Variants in HBEGF observed in about 807,000 individuals in gnomAD.
HBEGF encodes the protein proheparin-binding EGF-like growth factor.
Under a neutral mutation model 19.5 loss-of-function variants are expected in HBEGF, and 8 were observed. That is an observed-to-expected ratio of 0.41 (90% CI 0.24 to 0.74). The LOEUF (loss-of-function observed/expected upper bound fraction) is 0.74. Among genes scored for constraint, HBEGF ranks in the 30% least tolerant of loss-of-function variants. HBEGF has a pLI of 0.32. For synonymous variants in HBEGF, 97 were observed against 108.9 expected (o/e 0.89, Z 0.68); for missense variants, 207 against 256.9 (o/e 0.81, Z 1.33).
chr5:140,344,882 G>C (rs950551523), intron 2 of HBEGF, among the ~76,000 whole-genome samples: 1 of 152,064 alleles, frequency 6.6e-6, no homozygotes, highest in African/African-American at 2.4e-5. Flanking sequence ...GTGAGTCACA[G>C]CCCAGCCCTG....
In HBEGF at chr5:140,345,955, C is replaced by G; in HGVS notation, c.176G>C (p.Arg59Pro). ...TGCCTCTTGCAAGTCACGGACTTTCCGGTCCCGGCCGCCTCCTAGGGGTAG... is the reference window on the plus strand; with the variant it reads ...TGCCTCTTGCAAGTCACGGACTTTCGGGTCCCGGCCGCCTCCTAGGGGTAG... ...QLLPLGGGRD[R>P]KVRDLQEADL... The change falls in exon 2 of 6, where the codon CGG becomes CCG. Residue 59 changes from arginine (R) to proline (P), a missense_variant. Physicochemically the swap from Arg to Pro is moderately radical, Grantham distance 103. Around this residue, in one of 3 missense-constraint regions of HBEGF, gnomAD observed 127 missense variants for 132.7 expected, o/e 0.96. Transcript: ENST00000230990. The G allele has an allele frequency of 6.2e-7, 1 of 1,614,220 alleles. No homozygotes were observed. Among genetic ancestry groups the G allele is most frequent in the Admixed American group, 1.7e-5 (1 of 60,028 alleles).
intron 2 of HBEGF, 120 bp from the exon 3 acceptor site, chr5:140,342,932 C>G (rs549989151): frequency 1.1e-5 from 11 of 1,027,866 alleles, no homozygotes; most frequent in Admixed American, 2.1e-5. Flanking sequence ...CTGGGAAGGC[C>G]CCTTAGCTCA....
At chr5:140,343,636 G>C (rs1007656736) in intron 2 of HBEGF, among the ~76,000 whole-genome samples, 2 of 152,196 alleles carry the variant, frequency 1.3e-5, no homozygotes, top group African/African-American at 4.8e-5. Flanking sequence ...TTCTTTCCAT[G>C]CTTCAGAGAG....
Position 140,346,330 on chromosome 5 carries a change from G to T in HBEGF, c.-2C>A, listed in dbSNP as rs749444868. ...CACCACCGACGGCAGCAGCTTCATG[G>T]TCCCGCACCGAGAGGAGGCGGCGAG... is the stretch of plus-strand genomic sequence containing the variant. On this transcript the variant is annotated 5_prime_UTR_variant, in exon 1 of 6. Coordinates refer to ENST00000230990, the MANE Select transcript of HBEGF (RefSeq NM_001945.3). This position sits in a 1 kb window ranked among gnomAD's most constrained non-coding sequence, Gnocchi z 6.1. 2 of 1,608,162 alleles carry T rather than the reference G, an allele frequency of 1.2e-6. No individual in the cohort carries two copies. Among genetic ancestry groups the T allele is most frequent in the Admixed American group, 3.4e-5 (2 of 59,616 alleles).
intron 3 of HBEGF, among the ~76,000 whole-genome samples, chr5:140,340,582 C>CA (rs61489261): frequency 0.021 from 1,270 of 59,608 alleles, 29 homozygotes; most frequent in Middle Eastern, 0.027. Context: ...GACTCTGTCT[C>CA]AAAAAAAAAA....
intron 3 of HBEGF, among the ~76,000 whole-genome samples, chr5:140,336,828 C>CTTTTTTTTTTTTTT (rs1160533557): frequency 4.6e-5 from 6 of 129,812 alleles, no homozygotes; most frequent in Non-Finnish European, 8.1e-5. Flanking sequence ...TTTTCTTTTT[C>CTTTTTTTTTTTTTT]TTTTTTTTTT....
chr5:140,345,682 C>A (rs916706092), intron 2 of HBEGF, among the ~76,000 whole-genome samples: 2 of 152,024 alleles, frequency 1.3e-5, no homozygotes, highest in African/African-American at 4.8e-5. Flanking sequence ...TTCAATTTGC[C>A]CCGGAGTACC....
intron 2 of HBEGF, 190 bp from the exon 3 acceptor site, chr5:140,343,002 GA>G: frequency 1.6e-6 from 1 of 609,464 alleles, no homozygotes; most frequent in East Asian, 2.7e-5. Flanking sequence ...CAGAAAGAGG[GA>G]ACCTCGGTAG....
chr5:140,334,533 T>C (rs1369727072), intron 5 of HBEGF, 125 bp downstream of exon 5: 3 of 729,042 alleles, frequency 4.1e-6, no homozygotes, highest in Non-Finnish European at 7.4e-6. Context: ...AATTCTGCAA[T>C]GGGATATTAA....
At chr5:140,340,337 T>C (rs901647169) in intron 3 of HBEGF, among the ~76,000 whole-genome samples, 25 of 150,984 alleles carry the variant, frequency 1.7e-4, no homozygotes, top group Admixed American at 6.6e-5. Context: ...CCCAGCACTT[T>C]GGGAGGCTGA....
rs1442494145 is a variant in HBEGF at position 140,334,664 on chromosome 5, CA to C, written c.*11del. ...GCAAAGGATGGAGCGTTACCTTGAG[CA>C]CAAGTCTCTCTCAGTGGGAATTAGT... On this transcript the variant is annotated 3_prime_UTR_variant, in exon 5 of 6. Transcript: ENST00000230990. 3 of 1,603,118 alleles carry C rather than the reference CA, an allele frequency of 1.9e-6. No homozygotes were observed. Among genetic ancestry groups the C allele is most frequent in the Non-Finnish European group, 2.6e-6 (3 of 1,170,094 alleles).
At chr5:140,334,533 TG>T in intron 5 of HBEGF, 124 bp downstream of exon 5, 1 of 729,042 alleles carries the variant, frequency 1.4e-6, no homozygotes, top group Non-Finnish European at 2.5e-6. Context: ...AATTCTGCAA[TG>T]GGATATTAAT....
At position 140,334,752 on chromosome 5, in the gene HBEGF, AG is replaced by A. The variant is rs1766202373; in HGVS notation, c.555-5del. 1 of 1,612,362 alleles carries A rather than the reference AG, an allele frequency of 6.2e-7. No homozygotes were observed. Among genetic ancestry groups the A allele is most frequent in the African/African-American group, 1.3e-5 (1 of 74,874 alleles). ...ATAACCTCCTCTCCTATGGTACCTG[AG>A]GAAGATAAGTTTTGTGAATAAGCCC... On this transcript the variant is annotated splice_polypyrimidine_tract_variant and splice_region_variant and intron_variant, in intron 4 of 5. Coordinates refer to ENST00000230990, the MANE Select transcript of HBEGF (RefSeq NM_001945.3).
Position 140,335,921 on chromosome 5 carries a change from C to G in HBEGF, c.505G>C (p.Val169Leu). 6.2e-7 allele frequency: 1 copy of G among 1,614,156 alleles called. No individual in the cohort carries two copies. The highest frequency in any genetic ancestry group is 1.3e-5 in the African/African-American group (1 of 75,020). The change falls in exon 4 of 6, where the codon GTG becomes CTG. Residue 169 changes from valine to leucine, a missense_variant. Physicochemically the swap from Val to Leu is conservative, Grantham distance 32. Coordinates refer to ENST00000230990, the MANE Select transcript of HBEGF (RefSeq NM_001945.3). ...ACCAGCAGACAGACAGATGACAGCA[C>G]CACAGCCACCACGGCCAGGATGGTT... ...HTTILAVVAV[V>L]LSSVCLLVIV...
At chr5:140,341,179 G>A (rs1251427105) in intron 3 of HBEGF, among the ~76,000 whole-genome samples, 2 of 152,182 alleles carry the variant, frequency 1.3e-5, no homozygotes, top group Non-Finnish European at 2.9e-5. Flanking sequence ...CCCATATCAG[G>A]TTCTCTGGGT....
In HBEGF at chr5:140,346,106, G is replaced by C; in HGVS notation, c.47-22C>G. ...AGAACTGCGGGCGAGAGGCCAGGCC[G>C]CATCAGACACCCGCCCAGACCCCTG... is the stretch of plus-strand genomic sequence containing the variant. On this transcript the variant is annotated intron_variant, in intron 1 of 5. Transcript: ENST00000230990. The surrounding 1 kb of genome is among the most constrained non-coding windows in gnomAD (Gnocchi z 6.1). 6.2e-7 allele frequency: 1 copy of C among 1,603,028 alleles called. No individual in the cohort carries two copies.
rs1302660635 is a variant in HBEGF, at chr5:140,342,730, T to C, written c.303A>G (p.Leu101=). The C allele has an allele frequency of 6.2e-7, 1 of 1,614,248 alleles. No homozygotes were observed. Among genetic ancestry groups the C allele is most frequent in the African/African-American group, 1.3e-5 (1 of 75,056 alleles). The change falls in exon 3 of 6, where the codon CTA becomes CTG. Residue 101 remains leucine (L), a synonymous_variant. Transcript: ENST00000230990. ...GAAGACATGGGTCCCTCTTCTTCCC[T>C]AGCCCCTTGCCTTTCTTCTTTCTTT... ...HGKRKKKGKG[L]GKKRDPCLRK...
intron 4 of HBEGF, 21 bp downstream of exon 4, chr5:140,335,851 G>A (rs1193548457): frequency 3.1e-6 from 5 of 1,611,826 alleles, no homozygotes; most frequent in South Asian, 1.1e-5. Context: ...GAAACAGCCT[G>A]CAGGGGACCC....
At chr5:140,340,991 A>G (rs1766302790) in intron 3 of HBEGF, among the ~76,000 whole-genome samples, 1 of 152,226 alleles carries the variant, frequency 6.6e-6, no homozygotes, top group Non-Finnish European at 1.5e-5. Context: ...GCTTTTGAAA[A>G]ATCCCAGGAA....
Sources: gnomAD v4.1 joint callset for allele counts (sites outside exome capture counted in the v4.1 genomes callset) on GRCh38, gnomAD v4.1.1 for gene constraint, gnomAD v4.1.1 regional missense constraint, Gnocchi (gnomAD v3.1) non-coding constraint, MANE v1.5 for transcripts, NCBI Gene and HGNC (gene_info 2026-07-23, HGNC 2026-07-21) for gene names.